ODAD4: variants seen among roughly 807,000 people sequenced by gnomAD.
ODAD4 encodes outer dynein arm-docking complex subunit 4.
ODAD4 carries 49 observed loss-of-function variants against 51.8 expected under a neutral mutation model. That is an observed-to-expected ratio of 0.95 (90% CI 0.75 to 1.20). The LOEUF (loss-of-function observed/expected upper bound fraction) is 1.20, where lower values mean the gene tolerates loss of function less well. Ranked by LOEUF, ODAD4 falls within the 50% of genes most tolerant of loss-of-function variation. The pLI is 0.00. For synonymous variants in ODAD4, 235 were observed against 221.3 expected, an observed-to-expected ratio of 1.06 and a Z score of -0.55; for missense variants, 590 against 586.5, an observed-to-expected ratio of 1.01 and a Z score of -0.06.
At chr17:41,937,393 T>A (rs1336732944) in intron 5 of ODAD4, among the ~76,000 whole-genome samples, 1 of 152,206 alleles carries the variant, frequency 6.6e-6, no homozygotes. Flanking sequence ...GAGACCCTGA[T>A]TGGGAAGGAA....
chr17:41,955,713 T>C (rs554358280), intron 10 of ODAD4, among the ~76,000 whole-genome samples: 83 of 152,296 alleles, frequency 5.4e-4, no homozygotes, highest in South Asian at 3.3e-3. Context: ...CGTGAGCCAC[T>C]GTGCCCAGCC....
At chr17:41,933,492 A>G (rs190601430) in intron 1 of ODAD4, among the ~76,000 whole-genome samples, 1 of 152,128 alleles carries the variant, frequency 6.6e-6, no homozygotes, top group Non-Finnish European at 1.5e-5. Flanking sequence ...TTCTACTAAA[A>G]ATACAAAAAA....
intron 1 of ODAD4, among the ~76,000 whole-genome samples, chr17:41,931,765 C>A (rs1555636890): frequency 6.6e-6 from 1 of 152,108 alleles, no homozygotes; most frequent in Non-Finnish European, 1.5e-5. Context: ...TGGTGTCGAA[C>A]TCCTGACCTC....
intron 9 of ODAD4, among the ~76,000 whole-genome samples, chr17:41,949,883 A>T (rs2050631243): frequency 6.6e-6 from 1 of 151,710 alleles, no homozygotes; most frequent in Non-Finnish European, 1.5e-5. Context: ...CATGTTGGCT[A>T]GGCTGGTCTC....
In ODAD4 at chr17:41,938,952, T is replaced by C; in HGVS notation, c.851-13T>C. 1 of 1,605,316 alleles carries C rather than the reference T, an allele frequency of 6.2e-7. No homozygotes were observed. Among genetic ancestry groups the C allele is most frequent in the Non-Finnish European group, 8.5e-7 (1 of 1,175,776 alleles). On this transcript the variant is annotated splice_polypyrimidine_tract_variant and intron_variant, in intron 6 of 11. Coordinates refer to ENST00000377540, the MANE Select transcript of ODAD4 (RefSeq NM_031421.5). ...GCTGCCCTGGCCTCCACAGCACCCCTTTCCTTTCTCAGTGCTCACAAGTGG... is the reference window on the plus strand; with the variant it reads ...GCTGCCCTGGCCTCCACAGCACCCCCTTCCTTTCTCAGTGCTCACAAGTGG...
intron 7 of ODAD4, 32 bp downstream of exon 7, chr17:41,939,204 G>T: frequency 1.9e-6 from 3 of 1,588,084 alleles, no homozygotes; most frequent in Non-Finnish European, 2.6e-6. Flanking sequence ...ACTGGCGTGA[G>T]CCTACGGAGA....
At chr17:41,938,412 T>C in intron 5 of ODAD4, 145 bp from the exon 6 acceptor site, 1 of 662,060 alleles carries the variant, frequency 1.5e-6, no homozygotes, top group Non-Finnish European at 2.6e-6. Flanking sequence ...TCTGCCACTA[T>C]GCGCACTCAC....
At position 41,939,047 on chromosome 17, in the gene ODAD4, G is replaced by A. The variant is rs1555638344; in HGVS notation, c.933G>A (p.Glu311=). The stretch of plus-strand genomic sequence containing the variant: ...AGGTACTGGAATGGAACAAGGAAGA[G>A]GTACCCAACAAGGATGAACTGGTTG... The part of the protein sequence containing the change: ...LKKVLEWNKE[E]VPNKDELVGN... The change falls in exon 7 of 12, where the codon GAG becomes GAA. Residue 311 remains glutamate (E), a synonymous_variant. Transcript: ENST00000377540. 6.2e-7 allele frequency: 1 copy of A among 1,613,800 alleles called. No homozygotes were observed. The highest frequency in any genetic ancestry group is 8.5e-7 in the Non-Finnish European group (1 of 1,179,810).
In ODAD4 at chr17:41,954,048, C is replaced by T. The variant is rs150121167; in HGVS notation, c.1343-1169C>T. 6.8e-4 allele frequency among the ~76,000 whole-genome samples: 104 copies of T among 151,936 alleles called. 1 individual carries two copies. Among genetic ancestry groups the T allele is most frequent in the African/African-American group, 2.4e-3 (99 of 41,444 alleles). On this transcript the variant is annotated intron_variant, in intron 9 of 11. Transcript: ENST00000377540. ...TCACACAGGCTGGAGTGCAGTGGCG[C>T]GATCTCGGCTCACTGCAACCTCTGC...
intron 7 of ODAD4, among the ~76,000 whole-genome samples, chr17:41,939,569 T>C (rs1480805452): frequency 6.6e-6 from 1 of 152,174 alleles, no homozygotes; most frequent in African/African-American, 2.4e-5. Context: ...AGCTAATTAA[T>C]TGCAATTGTG....
In ODAD4 at chr17:41,961,429, C is replaced by A. The variant is rs1430917700; in HGVS notation, c.1491C>A (p.Thr497=). The change falls in exon 11 of 12, where the codon ACC becomes ACA. Residue 497 remains threonine (T), a synonymous_variant. Coordinates refer to ENST00000377540, the MANE Select transcript of ODAD4 (RefSeq NM_031421.5). ...NKGIIRELRK[T]NYVENLKEKS... Reference sequence around the variant, plus strand: ...GTATCATCAGAGAACTGAGGAAAACCAACTACGTGGAGAATCTCAAAGAAA... The same window carrying A: ...GTATCATCAGAGAACTGAGGAAAACAAACTACGTGGAGAATCTCAAAGAAA... The A allele has an allele frequency of 1.3e-6, 1 of 741,274 alleles. No homozygotes were observed. Among genetic ancestry groups the A allele is most frequent in the East Asian group, 2.6e-5 (1 of 39,122 alleles). 45.9% of individuals were successfully genotyped at this position (741,274 alleles called of 1,614,324 possible).
At chr17:41,949,666 T>G (rs962145967) in intron 9 of ODAD4, among the ~76,000 whole-genome samples, 28 of 152,234 alleles carry the variant, frequency 1.8e-4, no homozygotes, top group African/African-American at 6.5e-4. Context: ...GTACTTTTTT[T>G]TTGTTTTGTT....
chr17:41,932,698 C>G (rs1398324272), intron 1 of ODAD4, among the ~76,000 whole-genome samples: 1 of 150,988 alleles, frequency 6.6e-6, no homozygotes, highest in Non-Finnish European at 1.5e-5. Flanking sequence ...GCTTATGCCA[C>G]CACGCCTGGC....
intron 5 of ODAD4, 157 bp downstream of exon 5, chr17:41,937,084 G>T (rs1598072124): frequency 1.1e-6 from 1 of 898,248 alleles, no homozygotes; most frequent in African/African-American, 1.7e-5. Context: ...TGAGGAAACT[G>T]AGGCGCAGAC....
At position 41,930,665 on chromosome 17, in the gene ODAD4, A is replaced by C. The variant is rs1555636551; in HGVS notation, c.-59A>C. On this transcript the variant is annotated 5_prime_UTR_variant, in exon 1 of 12. Transcript: ENST00000377540. ...GAAACGGAGCTTCCACAAACCAGAT[A>C]GAGGTTCTCCAGCTTTTCTTTGATT... 1.2e-5 allele frequency: 14 copies of C among 1,124,302 alleles called. No individual in the cohort carries two copies. Among genetic ancestry groups the C allele is most frequent in the Admixed American group, 2.0e-5 (1 of 49,794 alleles). 69.6% of individuals were successfully genotyped at this position (1,124,302 alleles called of 1,614,324 possible). A position where few individuals can be genotyped will look rare whatever the true frequency, so the allele number is the denominator to read the frequency against.
At chr17:41,961,319 G>T in intron 10 of ODAD4, 63 bp from the exon 11 acceptor site, 1 of 711,914 alleles carries the variant, frequency 1.4e-6, no homozygotes, top group Non-Finnish European at 2.6e-6. Flanking sequence ...GATTGATCTG[G>T]GTGGGGAAAA....
chr17:41,943,064 A>G (rs1195422651), intron 7 of ODAD4, among the ~76,000 whole-genome samples: 2 of 152,052 alleles, frequency 1.3e-5, no homozygotes, highest in African/African-American at 2.4e-5. Flanking sequence ...TCAGGCTTGC[A>G]GGCTTGAACC....
chr17:41,965,722 G>C lies in ODAD4; in HGVS notation c.*239G>C. Reference sequence around the variant, plus strand: ...AGAGCATCGTGGAAGAAATGAGAAAGGTGCCAAGAAGAAAGGGTTTCAGGA... The same window carrying C: ...AGAGCATCGTGGAAGAAATGAGAAACGTGCCAAGAAGAAAGGGTTTCAGGA... On this transcript the variant is annotated 3_prime_UTR_variant, in exon 12 of 12. Coordinates refer to ENST00000377540, the MANE Select transcript of ODAD4 (RefSeq NM_031421.5). The C allele has an allele frequency of 2.2e-6, 1 of 463,284 alleles. No homozygotes were observed. 28.7% of individuals were successfully genotyped at this position (463,284 alleles called of 1,614,324 possible).
intron 10 of ODAD4, among the ~76,000 whole-genome samples, chr17:41,958,747 G>A (rs2050765762): frequency 6.6e-6 from 1 of 151,916 alleles, no homozygotes; most frequent in Non-Finnish European, 1.5e-5. Context: ...ATGTGAGGCC[G>A]GGTGCGGTGG....
Sources: gnomAD v4.1 joint callset for allele counts (sites outside exome capture counted in the v4.1 genomes callset) on GRCh38, gnomAD v4.1.1 for gene constraint, MANE v1.5 for transcripts, NCBI Gene and HGNC (gene_info 2026-07-23, HGNC 2026-07-21) for gene names.